Variants in FRAS1 observed in about 807,000 individuals in gnomAD.
FRAS1 encodes extracellular matrix organizing protein FRAS1.
A neutral mutation model predicts 435.2 loss-of-function variants in FRAS1; 290 were observed. That is an observed-to-expected ratio of 0.67 (90% confidence interval 0.61 to 0.73). The LOEUF (loss-of-function observed/expected upper bound fraction) is 0.73, where lower values mean the gene tolerates loss of function less well. Ranked by LOEUF, FRAS1 falls within the 30% of genes least tolerant of loss-of-function variation. The pLI, the probability that FRAS1 is intolerant of heterozygous loss-of-function variation, is 0.00. For missense variants in FRAS1, 4,860 were observed against 5,001.5 expected, an observed-to-expected ratio of 0.97 and a Z score of 0.85; for synonymous variants, 1,800 against 1,851.0, an observed-to-expected ratio of 0.97 and a Z score of 0.71.
At chr4:78,355,274 A>T (rs111350784) in intron 20 of FRAS1, among the ~76,000 whole-genome samples, 38,958 of 151,804 alleles carry the variant, frequency 0.26, 5,956 homozygotes, top group Non-Finnish European at 0.33. Context: ...AGGTACATAT[A>T]CAAACAACTG....
At position 78,446,879 on chromosome 4, in the gene FRAS1, C is replaced by T. The variant is rs114108086; in HGVS notation, c.6009C>T (p.His2003=). The part of the protein sequence containing the change: ...LIFVLTKKPD[H]GHVLWRQTAS... ...TTGTATTGACAAAAAAGCCTGACCA[C>T]GGTAGGGCACGAACTGCTATGAAAA... Residue 2003 remains histidine, a splice_region_variant and synonymous_variant, in exon 43 of 74, where the codon CAC becomes CAT. Coordinates refer to ENST00000512123, the MANE Select transcript of FRAS1 (RefSeq NM_025074.7). 1.1e-4 allele frequency: 174 copies of T among 1,604,212 alleles called. No homozygotes were observed. In the African/African-American group the frequency reaches 2.0e-3, roughly 19 times the overall value.
At chr4:78,301,330 T>C (rs1341190430) in intron 14 of FRAS1, among the ~76,000 whole-genome samples, 1 of 151,144 alleles carries the variant, frequency 6.6e-6, no homozygotes, top group Non-Finnish European at 1.5e-5. Flanking sequence ...TTATTCAGAA[T>C]AGGTCATTCT....
rs545052301 is a variant in FRAS1 at position 78,133,962 on chromosome 4, TTTTG to T, written c.108+67950_108+67953del. On this transcript the variant is annotated intron_variant, in intron 2 of 73. Transcript: ENST00000512123. The stretch of plus-strand genomic sequence containing the variant: ...AGCTGAGATGGACTAGGTTTTTTTT[TTTTG>T]TTTTTTTTTTTGAGATGGACTCTCG... Among the ~76,000 whole-genome samples the T allele has an allele frequency of 5.2e-3, 550 of 106,452 alleles. 8 individuals carry two copies. Among genetic ancestry groups the T allele is most frequent in the Non-Finnish European group, 9.4e-3 (425 of 45,450 alleles). The allele number at this position is 106,452 out of a possible 152,430, so 69.8% of individuals were successfully genotyped here.
chr4:78,492,344 C>T (rs1720375659), intron 59 of FRAS1, among the ~76,000 whole-genome samples: 1 of 152,132 alleles, frequency 6.6e-6, no homozygotes, highest in Admixed American at 6.6e-5. Flanking sequence ...CAAGACAATC[C>T]TAAGCAAAAA....
chr4:78,422,127 A>C, intron 34 of FRAS1, 127 bp downstream of exon 34: 1 of 986,036 alleles, frequency 1.0e-6, no homozygotes, highest in Non-Finnish European at 1.4e-6. Context: ...TATTCAAAAT[A>C]GCTTGAGACC....
intron 9 of FRAS1, among the ~76,000 whole-genome samples, chr4:78,276,972 G>T (rs1727076045): frequency 6.6e-6 from 1 of 152,152 alleles, no homozygotes; most frequent in Non-Finnish European, 1.5e-5. Context: ...CCCAGTTCGA[G>T]CTTCCCAGCC....
intron 47 of FRAS1, among the ~76,000 whole-genome samples, chr4:78,457,415 C>T (rs148454379): frequency 1.3e-5 from 2 of 152,258 alleles, no homozygotes; most frequent in African/African-American, 4.8e-5. Context: ...GAAGAAAAGC[C>T]TTGTGTACAG....
Position 78,496,799 on chromosome 4 carries a change from C to T in FRAS1, c.8959-6C>T. ...ATTTTAATCTGTCTTGTGCCATTGG[C>T]TCTAGGTGAAGAACTGTACGGTCTA... On this transcript the variant is annotated splice_polypyrimidine_tract_variant and splice_region_variant and intron_variant, in intron 59 of 73. Coordinates refer to ENST00000512123, the MANE Select transcript of FRAS1 (RefSeq NM_025074.7). 2 of 1,610,144 alleles carry T rather than the reference C, an allele frequency of 1.2e-6. No homozygotes were observed. Among genetic ancestry groups the T allele is most frequent in the South Asian group, 1.1e-5 (1 of 89,792 alleles).
intron 2 of FRAS1, among the ~76,000 whole-genome samples, chr4:78,080,515 A>G (rs1267677599): frequency 6.6e-6 from 1 of 152,208 alleles, no homozygotes; most frequent in South Asian, 2.1e-4. Flanking sequence ...AATAGCTTTT[A>G]TCTTAATTGG....
chr4:78,198,451 C>T (rs1466014587), intron 2 of FRAS1, among the ~76,000 whole-genome samples: 1 of 152,168 alleles, frequency 6.6e-6, no homozygotes, highest in Non-Finnish European at 1.5e-5. Context: ...GAATTAAGTC[C>T]TTGACCTTGT....
chr4:78,120,286 G>A lies in FRAS1; in HGVS notation c.108+54270G>A, dbSNP rs148647333. Reference sequence around the variant, plus strand: ...CAAATAAAGTAACTCCTCCAGAATCGTGGCAGCAGGGCAAGAATCATCCTC... The same window carrying A: ...CAAATAAAGTAACTCCTCCAGAATCATGGCAGCAGGGCAAGAATCATCCTC... On this transcript the variant is annotated intron_variant, in intron 2 of 73. Transcript: ENST00000512123. Among the ~76,000 whole-genome samples the A allele has an allele frequency of 9.4e-4, 143 of 152,264 alleles. 4 individuals carry two copies. The East Asian group carries it at 0.026, about 28-fold the overall frequency.
intron 2 of FRAS1, among the ~76,000 whole-genome samples, chr4:78,119,621 G>A (rs528122165): frequency 6.6e-6 from 1 of 152,222 alleles, no homozygotes; most frequent in East Asian, 1.9e-4. Flanking sequence ...TCCATAGCTT[G>A]GCTATTGTGA....
At chr4:78,201,726 G>A (rs767196600) in intron 2 of FRAS1, among the ~76,000 whole-genome samples, 27 of 152,144 alleles carry the variant, frequency 1.8e-4, no homozygotes, top group Non-Finnish European at 3.4e-4. Context: ...TGACTGCAAA[G>A]CCAGGATTTA....
At position 78,282,953 on chromosome 4, in the gene FRAS1, CAGA is replaced by C; in HGVS notation, c.1242_1244del (p.Asp415del). ...TTAGAGGTGAAGGGACAGTGCTGTC[CAGA>C]CTGCACATCAGGTGGGTCCATGTCT... On this transcript the variant is annotated inframe_deletion, in exon 12 of 74. Transcript: ENST00000512123. 6.4e-7 allele frequency: 1 copy of C among 1,557,898 alleles called. No individual in the cohort carries two copies. Among genetic ancestry groups the C allele is most frequent in the Non-Finnish European group, 8.7e-7 (1 of 1,155,772 alleles).
chr4:78,355,540 T>A (rs989544749), intron 20 of FRAS1, among the ~76,000 whole-genome samples: 2 of 152,124 alleles, frequency 1.3e-5, no homozygotes, highest in African/African-American at 4.8e-5. Flanking sequence ...TATTTAAACA[T>A]ATTTGAGGTC....
At chr4:78,252,812 G>A (rs369751955) in intron 5 of FRAS1, among the ~76,000 whole-genome samples, 3 of 152,126 alleles carry the variant, frequency 2.0e-5, no homozygotes, top group Non-Finnish European at 2.9e-5. Context: ...GAGAGGGGGT[G>A]TACGAACAGG....
intron 8 of FRAS1, 139 bp from the exon 9 acceptor site, chr4:78,267,102 A>G (rs1247988643): frequency 1.1e-6 from 1 of 951,804 alleles, no homozygotes; most frequent in East Asian, 2.6e-5. Flanking sequence ...GTTGAGGTGC[A>G]AGGGACCCTG....
At chr4:78,519,597 C>A in intron 67 of FRAS1, 116 bp downstream of exon 67, 1 of 1,167,394 alleles carries the variant, frequency 8.6e-7, no homozygotes, top group Non-Finnish European at 1.2e-6. Flanking sequence ...ATCCCGAAGA[C>A]AAAGTGGGGC....
chr4:78,307,382 T>C (rs1261522981), intron 14 of FRAS1, among the ~76,000 whole-genome samples: 2 of 152,212 alleles, frequency 1.3e-5, no homozygotes, highest in Non-Finnish European at 2.9e-5. Context: ...TGAACTGTGG[T>C]GGGGTCCACC....
Sources: allele counts gnomAD v4.1 joint callset (sites outside exome capture counted in the v4.1 genomes callset), GRCh38; gene constraint gnomAD v4.1.1; transcripts MANE v1.5; gene names NCBI Gene and HGNC (gene_info 2026-07-23, HGNC 2026-07-21).